The following LINGO1 variants were observed in gnomAD, a reference collection of about 807,000 sequenced individuals.
LINGO1 encodes leucine rich repeat and Ig domain containing 1.
LINGO1 carries 11 observed loss-of-function variants against 37.3 expected under a neutral mutation model. The ratio of observed to expected loss-of-function variants is 0.29; its 90% confidence interval spans 0.19 to 0.49. The LOEUF is 0.49. LINGO1 is among the 20% of genes least tolerant of loss of function. LINGO1 has a pLI of 0.99. For missense variants in LINGO1, 585 were observed against 878.2 expected (o/e 0.67, Z 4.22); for synonymous variants, 387 against 403.0 (o/e 0.96, Z 0.48).
At chr15:77,698,219 T>G (rs938665742), upstream of LINGO1, among the ~76,000 whole-genome samples, 1 of 152,152 alleles carries the variant, frequency 6.6e-6, no homozygotes, top group African/African-American at 2.4e-5. Context: ...AGCGTCCCAC[T>G]GAGCATCCCC....
chr15:77,632,862 C>T lies in LINGO1; in HGVS notation c.-547G>A, dbSNP rs2074306516. On this transcript the variant is annotated 5_prime_UTR_variant, in exon 1 of 2. Coordinates refer to ENST00000355300, the MANE Select transcript of LINGO1 (RefSeq NM_032808.7). This position sits in a 1 kb window ranked among gnomAD's most constrained non-coding sequence, Gnocchi z 6.0. ...CCCGCCGCCCGCTCCGGCTCCCGCG[C>T]CGGCTCCCGCTCGGGCTCCGCGCTC... 6.7e-6 allele frequency among the ~76,000 whole-genome samples: 1 copy of T among 149,858 alleles called. No homozygotes were observed. Among genetic ancestry groups the T allele is most frequent in the African/African-American group, 2.4e-5 (1 of 41,074 alleles).
chr15:77,709,179 G>T (rs57594261), intron 2 of LINGO1, among the ~76,000 whole-genome samples: 2,883 of 152,250 alleles, frequency 0.019, 97 homozygotes, highest in African/African-American at 0.067. Context: ...TTTGTTACGG[G>T]AGCTCTAAAA....
At chr15:77,636,447 G>A (rs1358643444), upstream of LINGO1, among the ~76,000 whole-genome samples, 3 of 152,190 alleles carry the variant, frequency 2.0e-5, no homozygotes, top group Non-Finnish European at 2.9e-5. Flanking sequence ...CAAGAAAAAC[G>A]GAGACCAGGA....
chr15:77,804,423 G>T (rs1355041214), intron 1 of LINGO1, among the ~76,000 whole-genome samples: 1 of 152,192 alleles, frequency 6.6e-6, no homozygotes, highest in African/African-American at 2.4e-5. Context: ...GGCCAGAGAG[G>T]GGAGGGAGCT....
In LINGO1 at chr15:77,812,006, G is replaced by C. The variant is rs569419377; in HGVS notation, c.-458+8252C>G. ...GCAGGAGCCCCACACACAATGCCTG[G>C]TGCTCCTGGTATGCCTGAAAGGCAA... On this transcript the variant is annotated intron_variant, in intron 1 of 5. Transcript: ENST00000562933. Among the ~76,000 whole-genome samples the C allele has an allele frequency of 4.6e-5, 7 of 151,222 alleles. No homozygotes were observed. In the East Asian group the frequency reaches 1.2e-3, roughly 25 times the overall value.
intron 2 of LINGO1, among the ~76,000 whole-genome samples, chr15:77,792,288 C>T (rs1184803665): frequency 6.6e-6 from 1 of 152,246 alleles, no homozygotes; most frequent in African/African-American, 2.4e-5. Context: ...CGCAAGCCCT[C>T]CTCCCACCCA....
At chr15:77,623,295 G>A (rs1372964556) in intron 1 of LINGO1, among the ~76,000 whole-genome samples, 2 of 152,182 alleles carry the variant, frequency 1.3e-5, no homozygotes, top group Non-Finnish European at 2.9e-5. Context: ...GTGCAGGGGG[G>A]AAGGGACTTG....
intron 2 of LINGO1, among the ~76,000 whole-genome samples, chr15:77,712,411 C>G (rs1336348353): frequency 6.6e-6 from 1 of 152,174 alleles, no homozygotes; most frequent in East Asian, 1.9e-4. Flanking sequence ...TCTTGCCCCC[C>G]TCCCCCTAAG....
At chr15:77,740,133 A>C (rs1280488555) in intron 1 of LINGO1, among the ~76,000 whole-genome samples, 1 of 152,206 alleles carries the variant, frequency 6.6e-6, no homozygotes, top group Non-Finnish European at 1.5e-5. Context: ...TTAAAGGAAA[A>C]GCCAAGGAGC....
Position 77,613,920 on chromosome 15 carries a change from A to C in LINGO1, c.*124T>G. On this transcript the variant is annotated 3_prime_UTR_variant, in exon 2 of 2. Transcript: ENST00000355300. ...GGGGGCAGCAGGGGACGGAGGCGGGAGGGAGAAAGAGAACGTGTGTAGAAG... is the reference window on the plus strand; with the variant it reads ...GGGGGCAGCAGGGGACGGAGGCGGGCGGGAGAAAGAGAACGTGTGTAGAAG... 2 of 802,354 alleles carry C rather than the reference A, an allele frequency of 2.5e-6. No individual in the cohort carries two copies. Among genetic ancestry groups the C allele is most frequent in the Non-Finnish European group, 3.8e-6 (2 of 520,076 alleles). The allele number at this position is 802,354 out of a possible 1,614,324, so 49.7% of individuals were successfully genotyped here. A position where few individuals can be genotyped will look rare whatever the true frequency, so the allele number is the denominator to read the frequency against.
At chr15:77,756,032 G>A (rs1405586664) in intron 1 of LINGO1, among the ~76,000 whole-genome samples, 1 of 152,074 alleles carries the variant, frequency 6.6e-6, no homozygotes, top group African/African-American at 2.4e-5. Context: ...GCTTGCTGGT[G>A]GGAAGTAGGG....
chr15:77,724,434 C>T (rs936231157), intron 2 of LINGO1, among the ~76,000 whole-genome samples: 1 of 152,226 alleles, frequency 6.6e-6, no homozygotes, highest in Non-Finnish European at 1.5e-5. Flanking sequence ...GGGCCCTTTA[C>T]CGCTTCAGAA....
rs551397538 is a variant in LINGO1 at position 77,818,280 on chromosome 15, T to G, written c.-458+1978A>C. Among the ~76,000 whole-genome samples, 13 of 152,320 alleles carry G rather than the reference T, an allele frequency of 8.5e-5. No homozygotes were observed. In the South Asian group the frequency reaches 2.5e-3, roughly 29 times the overall value. On this transcript the variant is annotated intron_variant, in intron 1 of 5. Transcript: ENST00000562933. The stretch of plus-strand genomic sequence containing the variant: ...TCCAGGAGACACGGGGTTCTCTCCC[T>G]CTCAGAGGCACCATCTTGGACCACA...
At chr15:77,780,386 C>A (rs1318058439) in intron 1 of LINGO1, among the ~76,000 whole-genome samples, 3 of 151,974 alleles carry the variant, frequency 2.0e-5, no homozygotes, top group Non-Finnish European at 4.4e-5. Context: ...GTACAGGGCC[C>A]ACCTATCATA....
chr15:77,783,113 G>A (rs544852372), intron 1 of LINGO1, among the ~76,000 whole-genome samples: 4 of 152,080 alleles, frequency 2.6e-5, no homozygotes, highest in South Asian at 2.1e-4. Context: ...GATGCCCATC[G>A]CCTGGATGCC....
intron 1 of LINGO1, among the ~76,000 whole-genome samples, chr15:77,808,893 C>T (rs944516263): frequency 1.3e-5 from 2 of 152,194 alleles, no homozygotes; most frequent in Non-Finnish European, 2.9e-5. Flanking sequence ...TCAGGTGTGA[C>T]TCCCCAGGCC....
At chr15:77,635,544 C>A (rs2074379418), upstream of LINGO1, among the ~76,000 whole-genome samples, 1 of 150,346 alleles carries the variant, frequency 6.7e-6, no homozygotes, top group Non-Finnish European at 1.5e-5. Context: ...ACCGGGATGG[C>A]CTAGTCCAAG....
chr15:77,665,999 C>T (rs912476529), intron 3 of LINGO1, among the ~76,000 whole-genome samples: 5 of 152,230 alleles, frequency 3.3e-5, no homozygotes, highest in Non-Finnish European at 5.9e-5. Context: ...GCTTCCCCAC[C>T]ACCAAGGCCA....
At chr15:77,715,368 T>C (rs2075971785) in intron 2 of LINGO1, among the ~76,000 whole-genome samples, 1 of 152,188 alleles carries the variant, frequency 6.6e-6, no homozygotes, top group Admixed American at 6.5e-5. Flanking sequence ...ATATCACTGT[T>C]GGAATGAGTG....
Sources: allele counts gnomAD v4.1 joint callset (sites outside exome capture counted in the v4.1 genomes callset), GRCh38; gene constraint gnomAD v4.1.1; non-coding constraint Gnocchi (gnomAD v3.1); transcripts MANE v1.5; gene names NCBI Gene and HGNC (gene_info 2026-07-23, HGNC 2026-07-21).